PIK3R6: variants seen among roughly 807,000 people sequenced by gnomAD.
The protein encoded by PIK3R6 is phosphoinositide-3-kinase regulatory subunit 6, also known as phosphoinositide 3-kinase regulatory subunit 6.
A neutral mutation model predicts 84.9 loss-of-function variants in PIK3R6; 91 were observed. That is an observed-to-expected ratio of 1.07 (90% CI 0.90 to 1.28). PIK3R6 has a LOEUF of 1.28. Ranked by LOEUF, PIK3R6 falls within the 50% of genes most tolerant of loss-of-function variation. The pLI is 0.00. For synonymous variants in PIK3R6, 416 were observed against 411.4 expected (o/e 1.01, Z -0.13); for missense variants, 996 against 985.1 (o/e 1.01, Z -0.15).
chr17:8,837,317 C>A (rs1168566550), intron 5 of PIK3R6, among the ~76,000 whole-genome samples: 1 of 152,038 alleles, frequency 6.6e-6, no homozygotes, highest in Non-Finnish European at 1.5e-5. Context: ...CTGAAATGCT[C>A]CACAGTGCCC....
chr17:8,828,321 A>G, intron 11 of PIK3R6, 131 bp from the exon 12 acceptor site: 1 of 1,022,232 alleles, frequency 9.8e-7, no homozygotes, highest in Admixed American at 2.1e-5. Context: ...TTTCTCATCT[A>G]CAAAATGGGT....
intron 18 of PIK3R6, among the ~76,000 whole-genome samples, chr17:8,815,915 T>C (rs1393898531): frequency 6.6e-6 from 1 of 152,252 alleles, no homozygotes; most frequent in Non-Finnish European, 1.5e-5. Context: ...ATGTACACTA[T>C]CTTCGTGGTC....
At chr17:8,828,285 T>C in intron 11 of PIK3R6, 95 bp from the exon 12 acceptor site, 1 of 1,308,190 alleles carries the variant, frequency 7.6e-7, no homozygotes, top group Non-Finnish European at 1.1e-6. Flanking sequence ...CCTTGGGCAA[T>C]TTGTGTCATC....
At chr17:8,806,226 G>A (rs149402868) in intron 18 of PIK3R6, among the ~76,000 whole-genome samples, 20 of 152,350 alleles carry the variant, frequency 1.3e-4, no homozygotes, top group Non-Finnish European at 2.9e-4. Context: ...GAGATGCATG[G>A]TTTCCATAGG....
Position 8,837,891 on chromosome 17 carries a change from G to A in PIK3R6, c.190-20C>T, listed in dbSNP as rs1306771655. 1.9e-6 allele frequency: 3 copies of A among 1,608,258 alleles called. No individual in the cohort carries two copies. Among genetic ancestry groups the A allele is most frequent in the African/African-American group, 1.3e-5 (1 of 74,920 alleles). ...TTCCGCCTGGAAAACAGGAGATCACGTGACAGGTATTGGGCTGGGGGAATC... is the reference window on the plus strand; with the variant it reads ...TTCCGCCTGGAAAACAGGAGATCACATGACAGGTATTGGGCTGGGGGAATC... On this transcript the variant is annotated intron_variant, in intron 4 of 19. Transcript: ENST00000619866.
At position 8,849,797 on chromosome 17, in the gene PIK3R6, G is replaced by T. The variant is rs1262180654; in HGVS notation, c.-3C>A. On this transcript the variant is annotated 5_prime_UTR_variant, in exon 2 of 20. Transcript: ENST00000619866. The stretch of plus-strand genomic sequence containing the variant: ...CCACACTGACCTGAGCTCTCCATGG[G>T]AGCCTTTGGGTGTAGGAGGAGGAGG... 8.1e-6 allele frequency: 13 copies of T among 1,612,038 alleles called. No individual in the cohort carries two copies. The highest frequency in any genetic ancestry group is 1.0e-5 in the Non-Finnish European group (12 of 1,179,046).
intron 1 of PIK3R6, among the ~76,000 whole-genome samples, chr17:8,852,774 A>G (rs1407141024): frequency 6.6e-6 from 1 of 151,786 alleles, no homozygotes; most frequent in African/African-American, 2.4e-5. Flanking sequence ...GGCAAAAATT[A>G]TGACAAAAGA....
chr17:8,827,982 C>T (rs557677594), intron 12 of PIK3R6, 130 bp downstream of exon 12: 19 of 941,612 alleles, frequency 2.0e-5, no homozygotes, highest in African/African-American at 3.3e-5. Context: ...ACCTCTCTCC[C>T]GCCTCCACAT....
chr17:8,813,104 C>A (rs1304786320), intron 18 of PIK3R6, among the ~76,000 whole-genome samples: 1 of 151,946 alleles, frequency 6.6e-6, no homozygotes. Flanking sequence ...CATCAGAGAC[C>A]TATAAGCATC....
At chr17:8,858,729 T>TTAA (rs1484613038) in intron 1 of PIK3R6, among the ~76,000 whole-genome samples, 2 of 152,166 alleles carry the variant, frequency 1.3e-5, no homozygotes, top group Non-Finnish European at 2.9e-5. Flanking sequence ...TGAGTGGCTG[T>TTAA]TACTGTTTGA....
chr17:8,821,715 A>T (rs1315762976), intron 17 of PIK3R6, 131 bp downstream of exon 17: 15 of 998,602 alleles, frequency 1.5e-5, no homozygotes, highest in Non-Finnish European at 2.2e-5. Flanking sequence ...GAAGGCAGTC[A>T]CCAAGTCCTG....
At position 8,826,934 on chromosome 17, in the gene PIK3R6, T is replaced by G. The variant is rs999639710; in HGVS notation, c.1515+238A>C. Among the ~76,000 whole-genome samples the G allele has an allele frequency of 1.1e-4, 16 of 152,188 alleles. 1 individual carries two copies. The highest frequency in any genetic ancestry group is 7.9e-4 in the Admixed American group (12 of 15,284). On this transcript the variant is annotated intron_variant, in intron 13 of 19. Coordinates refer to ENST00000619866, the MANE Select transcript of PIK3R6 (RefSeq NM_001010855.4). ...GGTGGTCTGGTCCAAAGTACGAGCCTGGTAAGTGTCCCGAGTGAGTTCAAA... is the reference window on the plus strand; with the variant it reads ...GGTGGTCTGGTCCAAAGTACGAGCCGGGTAAGTGTCCCGAGTGAGTTCAAA...
At chr17:8,804,348 C>T (rs899032452) in intron 18 of PIK3R6, among the ~76,000 whole-genome samples, 195 bp from the exon 19 acceptor site, 8 of 152,184 alleles carry the variant, frequency 5.3e-5, no homozygotes, top group African/African-American at 9.7e-5. Context: ...GATCTCACAT[C>T]GTTCTTCCAG....
At chr17:8,824,256 C>T (rs574430450) in intron 13 of PIK3R6, among the ~76,000 whole-genome samples, 166 of 152,284 alleles carry the variant, frequency 1.1e-3, no homozygotes, top group Non-Finnish European at 2.0e-3. Context: ...GCAACAAGAG[C>T]GAAACTCCAT....
chr17:8,860,485 A>C (rs1451948419), intron 1 of PIK3R6, among the ~76,000 whole-genome samples: 32 of 5,162 alleles, frequency 6.2e-3, no homozygotes, highest in African/African-American at 0.01. Context: ...ACCCCTACCC[A>C]CCCCCAAACC....
intron 1 of PIK3R6, among the ~76,000 whole-genome samples, chr17:8,860,725 T>C (rs1263522426): frequency 2.0e-5 from 3 of 152,182 alleles, no homozygotes; most frequent in Admixed American, 1.3e-4. Context: ...CAATCTCGTG[T>C]GGCAACAATT....
rs752582684 is a variant in PIK3R6, at chr17:8,829,529, GAC to G, written c.889+175_889+176del. 4.8e-4 allele frequency among the ~76,000 whole-genome samples: 30 copies of G among 62,606 alleles called. 1 individual carries two copies. Among genetic ancestry groups the G allele is most frequent in the African/African-American group, 1.2e-3 (20 of 17,310 alleles). The allele number at this position is 62,606 out of a possible 152,430, so 41.1% of individuals were successfully genotyped here. Reference sequence around the variant, plus strand: ...ACACACTCATGCATACACACACACTGACACACGCATGCACACAGACACACACT... The same window carrying G: ...ACACACTCATGCATACACACACACTGACACGCATGCACACAGACACACACT... On this transcript the variant is annotated intron_variant, in intron 10 of 19. Transcript: ENST00000619866.
chr17:8,857,918 A>G (rs78948126), intron 1 of PIK3R6, among the ~76,000 whole-genome samples: 1 of 147,936 alleles, frequency 6.8e-6, no homozygotes, highest in Non-Finnish European at 1.5e-5. Context: ...AAAAAAAAAA[A>G]GGGAAAGTAA....
rs770883214 is a variant in PIK3R6, at chr17:8,862,595, G to A, written c.-92+4934C>T. Among the ~76,000 whole-genome samples the A allele has an allele frequency of 5.3e-5, 8 of 152,134 alleles. No individual in the cohort carries two copies. Among genetic ancestry groups the A allele is most frequent in the Non-Finnish European group, 7.3e-5 (5 of 68,030 alleles). On this transcript the variant is annotated intron_variant, in intron 1 of 19. Transcript: ENST00000619866. This position sits in a 1 kb window ranked among gnomAD's most constrained non-coding sequence, Gnocchi z 4.3. ...GCTGATCTTTCTCGGGCCGTATCAC[G>A]GACAGCTAAGGCTGCAATGTTTGAC...
Sources: allele counts gnomAD v4.1 joint callset (sites outside exome capture counted in the v4.1 genomes callset), GRCh38; gene constraint gnomAD v4.1.1; non-coding constraint Gnocchi (gnomAD v3.1); transcripts MANE v1.5; gene names NCBI Gene and HGNC (gene_info 2026-07-23, HGNC 2026-07-21).